Variants in ECHDC2 observed in about 807,000 individuals in gnomAD.
The protein encoded by ECHDC2 is enoyl-CoA hydratase domain-containing protein 2, mitochondrial.
In ECHDC2, 34 loss-of-function variants were observed where a neutral mutation model predicts 40.6. The observed-to-expected ratio is 0.84, with a 90% CI of 0.64 to 1.11. The LOEUF (loss-of-function observed/expected upper bound fraction) is 1.11. Ranked by LOEUF, ECHDC2 falls within the 50% of genes most tolerant of loss-of-function variation. The pLI, the probability that ECHDC2 is intolerant of heterozygous loss-of-function variation, is 0.00. For synonymous variants in ECHDC2, 162 were observed against 166.6 expected, an observed-to-expected ratio of 0.97 and a Z score of 0.21; for missense variants, 392 against 400.7, an observed-to-expected ratio of 0.98 and a Z score of 0.19.
intron 1 of ECHDC2, among the ~76,000 whole-genome samples, chr1:52,916,664 C>T (rs896637600): frequency 8.5e-5 from 13 of 152,114 alleles, no homozygotes; most frequent in African/African-American, 2.9e-4. Flanking sequence ...CTTTGGCTGC[C>T]GACATTCAAT....
intron 3 of ECHDC2, among the ~76,000 whole-genome samples, chr1:52,910,295 C>T (rs1245186031): frequency 7.2e-6 from 1 of 138,802 alleles, no homozygotes; most frequent in Admixed American, 7.5e-5. Flanking sequence ...CTGAATTGTA[C>T]ACTTAAAAAT....
intron 1 of ECHDC2, 199 bp from the exon 2 acceptor site, chr1:52,911,989 C>T (rs1484366031): frequency 7.0e-7 from 1 of 1,429,056 alleles, no homozygotes; most frequent in African/African-American, 1.4e-5. Context: ...CTTGCTCTTT[C>T]TGCCTCAGAG....
At chr1:52,905,276 C>A in intron 5 of ECHDC2, 186 bp from the exon 6 acceptor site, 1 of 614,748 alleles carries the variant, frequency 1.6e-6, no homozygotes, top group Non-Finnish European at 2.9e-6. Context: ...GGAGCCCAGG[C>A]CCTTATTTCA....
At chr1:52,905,399 G>A in intron 5 of ECHDC2, 1 of 452,702 alleles carries the variant, frequency 2.2e-6, no homozygotes, top group Non-Finnish European at 4.0e-6. Context: ...AGCCGCTAAG[G>A]ATCACACGAG....
chr1:52,896,708 G>T, intron 9 of ECHDC2, 111 bp from the exon 10 acceptor site: 1 of 855,860 alleles, frequency 1.2e-6, no homozygotes, highest in Non-Finnish European at 1.9e-6. Flanking sequence ...TGTTTCCATT[G>T]TCTCTGGACT....
intron 5 of ECHDC2, chr1:52,905,359 A>G (rs2150047830): frequency 3.7e-6 from 2 of 534,942 alleles, no homozygotes; most frequent in South Asian, 5.1e-5. Context: ...TGGAAGAAAG[A>G]TGGCTGGCCC....
At chr1:52,903,568 T>A (rs1464725240) in intron 7 of ECHDC2, among the ~76,000 whole-genome samples, 1 of 151,938 alleles carries the variant, frequency 6.6e-6, no homozygotes, top group African/African-American at 2.4e-5. Flanking sequence ...TTTTCCCAAA[T>A]AACTGGGATT....
chr1:52,910,201 C>T (rs1037305356), intron 3 of ECHDC2, among the ~76,000 whole-genome samples: 2 of 151,734 alleles, frequency 1.3e-5, no homozygotes, highest in Non-Finnish European at 2.9e-5. Flanking sequence ...TCTGAACAGG[C>T]TGAGTTTGTT....
chr1:52,907,692 CCT>C (rs1006102332), intron 4 of ECHDC2, 174 bp downstream of exon 4: 8 of 577,852 alleles, frequency 1.4e-5, no homozygotes, highest in Non-Finnish European at 2.1e-5. Context: ...GCCAGAACTC[CCT>C]CTCTGAGAGA....
At chr1:52,910,703 T>G (rs1649259476) in intron 3 of ECHDC2, among the ~76,000 whole-genome samples, 1 of 152,084 alleles carries the variant, frequency 6.6e-6, no homozygotes, top group African/African-American at 2.4e-5. Flanking sequence ...ATAAGAAAAT[T>G]AAAACTTGAC....
chr1:52,921,198 G>A (rs1352214508), intron 1 of ECHDC2, among the ~76,000 whole-genome samples: 2 of 152,228 alleles, frequency 1.3e-5, no homozygotes, highest in Non-Finnish European at 2.9e-5. Context: ...CCCCGAACCG[G>A]GCCAGGACCC....
At chr1:52,907,663 G>A (rs1383583022) in intron 4 of ECHDC2, 19 of 545,948 alleles carry the variant, frequency 3.5e-5, no homozygotes, top group African/African-American at 1.3e-4. Flanking sequence ...AGGGTGGGGC[G>A]GGACACAAAA....
rs906249715 is a variant in ECHDC2 at position 52,896,266 on chromosome 1, C to G, written c.*254G>C. 11 of 491,564 alleles carry G rather than the reference C, an allele frequency of 2.2e-5. No homozygotes were observed. Among genetic ancestry groups the G allele is most frequent in the Middle Eastern group, 1.1e-3 (2 of 1,798 alleles). The allele number at this position is 491,564 out of a possible 1,614,324, so 30.5% of individuals were successfully genotyped here. A position where few individuals can be genotyped will look rare whatever the true frequency, so the allele number is the denominator to read the frequency against. On this transcript the variant is annotated 3_prime_UTR_variant, in exon 10 of 10. Coordinates refer to ENST00000371522, the MANE Select transcript of ECHDC2 (RefSeq NM_001198961.2). ...ATTCTTTATCATTCAAGTAGAGAGA[C>G]AGGCATTTTCCAAAGCAAACCCAAC...
At position 52,906,465 on chromosome 1, in the gene ECHDC2, C is replaced by A. The variant is rs752997665; in HGVS notation, c.457+54G>T. 4.9e-6 allele frequency: 7 copies of A among 1,416,744 alleles called. No individual in the cohort carries two copies. In the African/African-American group the frequency reaches 9.9e-5, roughly 20 times the overall value. The allele number at this position is 1,416,744 out of a possible 1,614,324, so 87.8% of individuals were successfully genotyped here. On this transcript the variant is annotated intron_variant, in intron 5 of 9. Coordinates refer to ENST00000371522, the MANE Select transcript of ECHDC2 (RefSeq NM_001198961.2). ...CAGAATGTCCAGACTCACCCTGTTTCACTCACCCCTGACTCCCTAGCCCCA... is the reference window on the plus strand; with the variant it reads ...CAGAATGTCCAGACTCACCCTGTTTAACTCACCCCTGACTCCCTAGCCCCA...
At chr1:52,918,573 G>C (rs1024671210) in intron 1 of ECHDC2, among the ~76,000 whole-genome samples, 1 of 152,064 alleles carries the variant, frequency 6.6e-6, no homozygotes, top group Admixed American at 6.5e-5. Flanking sequence ...AACAAAAAAA[G>C]TTTAAGAATT....
At chr1:52,904,906 TC>T in intron 6 of ECHDC2, 73 bp from the exon 7 acceptor site, 1 of 1,595,666 alleles carries the variant, frequency 6.3e-7, no homozygotes, top group Non-Finnish European at 8.6e-7. Flanking sequence ...AGCCTGGGAC[TC>T]AGCCAAGACT....
chr1:52,921,562 G>C lies in ECHDC2; in HGVS notation c.112C>G (p.Pro38Ala). 6.2e-7 allele frequency: 1 copy of C among 1,609,574 alleles called. No individual in the cohort carries two copies. The highest frequency in any genetic ancestry group is 8.5e-7 in the Non-Finnish European group (1 of 1,178,598). ...GGAACTGCACATTTACCTTGGTCCG[G>C]ACCCGCCAGGGCGCGCACTTGGATC... ...SEIQVRALAG[P>A]DQGITEILMN... The change falls in exon 1 of 10, where the codon CCG becomes GCG. Residue 38 changes from proline (P) to alanine (A), a missense_variant. Transcript: ENST00000371522.
Position 52,896,228 on chromosome 1 carries a change from G to A in ECHDC2, c.*292C>T. On this transcript the variant is annotated 3_prime_UTR_variant, in exon 10 of 10. Coordinates refer to ENST00000371522, the MANE Select transcript of ECHDC2 (RefSeq NM_001198961.2). ...AGAGCCAATGATACCAAGACTCAGA[G>A]AGATCTAATTTAATTCTTTATCATT... The A allele has an allele frequency of 5.4e-6, 2 of 371,226 alleles. No homozygotes were observed. The highest frequency in any genetic ancestry group is 1.0e-5 in the Non-Finnish European group (2 of 194,808). 23.0% of individuals were successfully genotyped at this position (371,226 alleles called of 1,614,324 possible). A position where few individuals can be genotyped will look rare whatever the true frequency, so the allele number is the denominator to read the frequency against.
intron 7 of ECHDC2, among the ~76,000 whole-genome samples, chr1:52,904,431 G>A (rs1647227778): frequency 1.3e-5 from 2 of 152,334 alleles, no homozygotes; most frequent in South Asian, 4.1e-4. Context: ...GGGCTTTCAA[G>A]CCCATTTGGT....
Sources: gnomAD v4.1 joint callset for allele counts (sites outside exome capture counted in the v4.1 genomes callset) on GRCh38, gnomAD v4.1.1 for gene constraint, MANE v1.5 for transcripts, NCBI Gene and HGNC (gene_info 2026-07-23, HGNC 2026-07-21) for gene names.